PIK3C3: variants seen among roughly 807,000 people sequenced by gnomAD.
The protein encoded by PIK3C3 is phosphatidylinositol 3-kinase catalytic subunit type 3.
In PIK3C3, 95 loss-of-function variants were observed where a neutral mutation model predicts 126.1. That is an observed-to-expected ratio of 0.75 (90% CI 0.64 to 0.89). The LOEUF is 0.89. Ranked by LOEUF, PIK3C3 falls within the 40% of genes least tolerant of loss-of-function variation. The probability of loss-of-function intolerance (pLI) is 0.00; values close to 1 mark genes in which losing one functional copy is unlikely to be tolerated. For synonymous variants in PIK3C3, 374 were observed against 360.0 expected, an observed-to-expected ratio of 1.04 and a Z score of -0.44; for missense variants, 829 against 1,063.2, an observed-to-expected ratio of 0.78 and a Z score of 3.06.
At chr18:42,006,442 C>T (rs1982547339) in intron 10 of PIK3C3, among the ~76,000 whole-genome samples, 1 of 152,086 alleles carries the variant, frequency 6.6e-6, no homozygotes, top group Non-Finnish European at 1.5e-5. Flanking sequence ...TTAAGTCAAT[C>T]TTCAGTTCTC....
intron 15 of PIK3C3, among the ~76,000 whole-genome samples, chr18:42,032,438 G>A (rs1222502921): frequency 6.6e-6 from 1 of 152,110 alleles, no homozygotes; most frequent in African/African-American, 2.4e-5. Flanking sequence ...TTTAGCAGCT[G>A]CACTCTGGTT....
intron 10 of PIK3C3, among the ~76,000 whole-genome samples, chr18:42,012,195 A>G (rs1022425310): frequency 3.9e-5 from 6 of 152,120 alleles, no homozygotes; most frequent in Non-Finnish European, 8.8e-5. Flanking sequence ...AAAAAAAAAA[A>G]AAAATGCAAT....
intron 4 of PIK3C3, among the ~76,000 whole-genome samples, chr18:41,977,576 A>T (rs745408806): frequency 6.6e-6 from 1 of 151,538 alleles, no homozygotes; most frequent in Non-Finnish European, 1.5e-5. Context: ...GCTCACTGCA[A>T]CTCCTGGGTT....
chr18:41,961,383 T>G (rs1980077304), intron 2 of PIK3C3, among the ~76,000 whole-genome samples: 1 of 152,206 alleles, frequency 6.6e-6, no homozygotes, highest in Non-Finnish European at 1.5e-5. Flanking sequence ...ATAATTTTAT[T>G]TAGTTGTTTG....
At chr18:41,986,322 G>A (rs759631303) in intron 4 of PIK3C3, among the ~76,000 whole-genome samples, 7 of 151,940 alleles carry the variant, frequency 4.6e-5, no homozygotes, top group Non-Finnish European at 8.8e-5. Context: ...CTGTTACTTC[G>A]TTCGTACAAG....
chr18:42,038,721 C>A, intron 17 of PIK3C3, 60 bp from the exon 18 acceptor site: 2 of 1,076,084 alleles, frequency 1.9e-6, no homozygotes, highest in Non-Finnish European at 2.8e-6. Flanking sequence ...TATTTGCCCA[C>A]AAAACTGTCT....
chr18:42,048,929 A>G (rs1331308651), intron 20 of PIK3C3, among the ~76,000 whole-genome samples: 1 of 152,232 alleles, frequency 6.6e-6, no homozygotes, highest in African/African-American at 2.4e-5. Flanking sequence ...AGTAGTTTCA[A>G]TAAATGCTAA....
At chr18:42,076,892 C>T (rs1986054275) in intron 24 of PIK3C3, among the ~76,000 whole-genome samples, 1 of 152,078 alleles carries the variant, frequency 6.6e-6, no homozygotes, top group Non-Finnish European at 1.5e-5. Context: ...CTGTCAAAAC[C>T]TTTTATAAAA....
At chr18:42,072,547 C>T (rs1461720938) in intron 24 of PIK3C3, among the ~76,000 whole-genome samples, 1 of 152,020 alleles carries the variant, frequency 6.6e-6, no homozygotes, top group African/African-American at 2.4e-5. Context: ...CCAAAATGAT[C>T]TTTTTTGGCA....
At chr18:41,969,235 T>C (rs546806705) in intron 3 of PIK3C3, among the ~76,000 whole-genome samples, 1 of 152,290 alleles carries the variant, frequency 6.6e-6, no homozygotes, top group Non-Finnish European at 1.5e-5. Flanking sequence ...TTCTATAGTC[T>C]TTTTATTTCT....
intron 4 of PIK3C3, among the ~76,000 whole-genome samples, chr18:41,979,172 C>G (rs1480223609): frequency 6.6e-6 from 1 of 151,506 alleles, no homozygotes; most frequent in African/African-American, 2.4e-5. Flanking sequence ...GAGAACTGAG[C>G]TTCTGAAACA....
chr18:42,044,654 A>G (rs953538549), intron 20 of PIK3C3, among the ~76,000 whole-genome samples: 40 of 152,194 alleles, frequency 2.6e-4, no homozygotes, highest in Middle Eastern at 3.4e-3. Flanking sequence ...CTGGGCTCAA[A>G]CGATCACCAC....
At chr18:42,036,777 G>A (rs2144460782) in intron 16 of PIK3C3, among the ~76,000 whole-genome samples, 1 of 152,078 alleles carries the variant, frequency 6.6e-6, no homozygotes, top group Non-Finnish European at 1.5e-5. Context: ...TATAAATGAG[G>A]AATTTGAGTC....
chr18:42,024,265 C>T lies in PIK3C3; in HGVS notation c.1485-3178C>T, dbSNP rs533147227. On this transcript the variant is annotated intron_variant, in intron 13 of 24. Transcript: ENST00000262039. Reference sequence around the variant, plus strand: ...TAAGATGACAGCTTTCAAAGAAATACCTTAGAGTGCTTTAGAATCTAGTTT... The same window carrying T: ...TAAGATGACAGCTTTCAAAGAAATATCTTAGAGTGCTTTAGAATCTAGTTT... Among the ~76,000 whole-genome samples, 8 of 152,230 alleles carry T rather than the reference C, an allele frequency of 5.3e-5. No individual in the cohort carries two copies. The South Asian group carries it at 1.7e-3, about 32-fold the overall frequency.
chr18:42,063,891 G>A (rs78099943), intron 22 of PIK3C3, among the ~76,000 whole-genome samples: 1,643 of 152,152 alleles, frequency 0.011, 27 homozygotes, highest in African/African-American at 0.038. Flanking sequence ...TAAAACCAAC[G>A]CTTTCCTTAC....
Position 42,058,192 on chromosome 18 carries a change from A to G in PIK3C3, c.2432+141A>G, listed in dbSNP as rs368034479. 44 of 598,088 alleles carry G rather than the reference A, an allele frequency of 7.4e-5. No homozygotes were observed. The East Asian group carries it at 7.8e-4, about 11-fold the overall frequency. 37.0% of individuals were successfully genotyped at this position (598,088 alleles called of 1,614,324 possible). On this transcript the variant is annotated intron_variant, in intron 22 of 24. Coordinates refer to ENST00000262039, the MANE Select transcript of PIK3C3 (RefSeq NM_002647.4). The stretch of plus-strand genomic sequence containing the variant: ...AAGGCAACAATATTTCCTATCTTAC[A>G]TTTAATACCAATTTTGACAAACTGT...
intron 24 of PIK3C3, among the ~76,000 whole-genome samples, chr18:42,073,230 A>G (rs1385733331): frequency 6.6e-6 from 1 of 152,188 alleles, no homozygotes; most frequent in Non-Finnish European, 1.5e-5. Context: ...CTTACTCATC[A>G]CTTGCAGTGT....
intron 10 of PIK3C3, among the ~76,000 whole-genome samples, chr18:42,011,481 T>G (rs1431469350): frequency 6.6e-6 from 1 of 152,202 alleles, no homozygotes; most frequent in East Asian, 1.9e-4. Context: ...CTCACCTTTC[T>G]CAGCTTTTAT....
At chr18:41,968,271 AT>A (rs1980472715) in intron 3 of PIK3C3, among the ~76,000 whole-genome samples, 1 of 152,196 alleles carries the variant, frequency 6.6e-6, no homozygotes, top group South Asian at 2.1e-4. Context: ...CTGAAGGTAC[AT>A]TTAAGGATAT....
Sources: gnomAD v4.1 joint callset for allele counts (sites outside exome capture counted in the v4.1 genomes callset) on GRCh38, gnomAD v4.1.1 for gene constraint, MANE v1.5 for transcripts, NCBI Gene and HGNC (gene_info 2026-07-23, HGNC 2026-07-21) for gene names.